TRDN: variants seen among roughly 807,000 people sequenced by gnomAD.
TRDN encodes triadin, also known as triadin in skeletal muscle.
TRDN carries 161 observed loss-of-function variants against 149.7 expected under a neutral mutation model. The ratio of observed to expected loss-of-function variants is 1.08; its 90% confidence interval spans 0.95 to 1.23. The LOEUF is 1.23. Ranked by LOEUF, TRDN falls within the 50% of genes most tolerant of loss-of-function variation. TRDN has a pLI of 0.00. For missense variants in TRDN, 896 were observed against 823.5 expected (o/e 1.09, Z -1.08); for synonymous variants, 294 against 250.5 (o/e 1.17, Z -1.64).
intron 8 of TRDN, among the ~76,000 whole-genome samples, chr6:123,499,719 A>AAAAAAAAAAAAAAAAAAAAAAAAT: frequency 6.3e-5 from 3 of 47,678 alleles, no homozygotes; most frequent in Non-Finnish European, 9.0e-5. Flanking sequence ...AAAAAAAAAA[A>AAAAAAAAAAAAAAAAAAAAAAAAT]ATATATATAT....
intron 4 of TRDN, among the ~76,000 whole-genome samples, chr6:123,533,704 C>G (rs768633691): frequency 2.0e-5 from 3 of 151,862 alleles, no homozygotes; most frequent in Non-Finnish European, 4.4e-5. Flanking sequence ...GAAATAAAGA[C>G]AAATCTCAAA....
chr6:123,340,981 G>C (rs1431006659), intron 21 of TRDN, among the ~76,000 whole-genome samples: 5 of 151,840 alleles, frequency 3.3e-5, no homozygotes, highest in African/African-American at 7.2e-5. Flanking sequence ...TCCCTTACAT[G>C]AATGTCTCTT....
intron 2 of TRDN, among the ~76,000 whole-genome samples, chr6:123,563,765 G>A (rs575137921): frequency 6.6e-6 from 1 of 152,140 alleles, no homozygotes; most frequent in African/African-American, 2.4e-5. Flanking sequence ...GTTTAATGAA[G>A]TTGAGGTTTA....
At chr6:123,630,470 TG>T (rs1465425751) in intron 1 of TRDN, among the ~76,000 whole-genome samples, 1 of 152,026 alleles carries the variant, frequency 6.6e-6, no homozygotes, top group Non-Finnish European at 1.5e-5. Flanking sequence ...CCAACAGTAT[TG>T]GAGGCCTTAA....
At chr6:123,450,065 G>T (rs1185647800) in intron 10 of TRDN, among the ~76,000 whole-genome samples, 1 of 152,148 alleles carries the variant, frequency 6.6e-6, no homozygotes, top group Non-Finnish European at 1.5e-5. Flanking sequence ...ACTGCTAAAA[G>T]GAGCTCTAAA....
At chr6:123,313,825 T>A (rs1778921672) in intron 24 of TRDN, among the ~76,000 whole-genome samples, 1 of 152,054 alleles carries the variant, frequency 6.6e-6, no homozygotes, top group South Asian at 2.1e-4. Context: ...ACCCCTTCTT[T>A]AGACCATATA....
intron 2 of TRDN, among the ~76,000 whole-genome samples, chr6:123,562,022 T>C (rs2114502477): frequency 6.6e-6 from 1 of 152,296 alleles, no homozygotes; most frequent in African/African-American, 2.4e-5. Flanking sequence ...CTGCCTTAAC[T>C]GATGACATTC....
chr6:123,218,415 G>C lies in TRDN; in HGVS notation c.*186C>G, dbSNP rs1775021078. On this transcript the variant is annotated 3_prime_UTR_variant, in exon 41 of 41. Coordinates refer to ENST00000334268, the MANE Select transcript of TRDN (RefSeq NM_006073.4). ...ACACATAACAGATTCTTGAGACTTA[G>C]ACCCTTAAACATGTCTGCTCATCAC... 3.4e-6 allele frequency: 2 copies of C among 588,102 alleles called. No homozygotes were observed. The highest frequency in any genetic ancestry group is 5.8e-6 in the Non-Finnish European group (2 of 344,640). 36.4% of individuals were successfully genotyped at this position (588,102 alleles called of 1,614,324 possible).
At chr6:123,424,463 A>G (rs1774034476) in intron 12 of TRDN, among the ~76,000 whole-genome samples, 1 of 151,986 alleles carries the variant, frequency 6.6e-6, no homozygotes, top group African/African-American at 2.4e-5. Flanking sequence ...CAACTCATGC[A>G]TCAATTAGCT....
At chr6:123,499,672 C>G (rs1413127927) in intron 8 of TRDN, among the ~76,000 whole-genome samples, 1 of 107,630 alleles carries the variant, frequency 9.3e-6, no homozygotes, top group African/African-American at 3.5e-5. Flanking sequence ...CCACTGCACT[C>G]CAGCCTGGGC....
At chr6:123,626,919 A>G (rs1785703482) in intron 1 of TRDN, among the ~76,000 whole-genome samples, 1 of 150,388 alleles carries the variant, frequency 6.6e-6, no homozygotes, top group Non-Finnish European at 1.5e-5. Context: ...TTATTATTTT[A>G]TTTTATTTTA....
At chr6:123,381,516 A>G (rs936665471) in intron 15 of TRDN, 126 bp from the exon 16 acceptor site, 50 of 829,188 alleles carry the variant, frequency 6.0e-5, no homozygotes, top group Non-Finnish European at 2.8e-5. Flanking sequence ...AAATTTCACA[A>G]TGAGGTGAAA....
Position 123,316,782 on chromosome 6 carries a change from C to T in TRDN, c.1472-287G>A, listed in dbSNP as rs1779040754. On this transcript the variant is annotated intron_variant, in intron 23 of 40. Coordinates refer to ENST00000334268, the MANE Select transcript of TRDN (RefSeq NM_006073.4). ...TTCTTGTCTTTAATAAAAGCCAGGA[C>T]TTATAATTTATGCATTCTGAAAATA... Among the ~76,000 whole-genome samples the T allele has an allele frequency of 2.0e-5, 3 of 151,750 alleles. No individual in the cohort carries two copies. The South Asian group carries it at 6.2e-4, about 32-fold the overall frequency.
At chr6:123,395,983 C>T (rs1772709368) in intron 12 of TRDN, among the ~76,000 whole-genome samples, 1 of 152,164 alleles carries the variant, frequency 6.6e-6, no homozygotes, top group African/African-American at 2.4e-5. Context: ...TGCCAGCTTG[C>T]ATCCAACCAA....
In TRDN at chr6:123,548,435, A is replaced by C; in HGVS notation, c.391+19T>G. On this transcript the variant is annotated intron_variant, in intron 3 of 40. Coordinates refer to ENST00000334268, the MANE Select transcript of TRDN (RefSeq NM_006073.4). ...AATGTTGCTCCTAGCAGTTAGATAT[A>C]TCTCTATGTTCTTTGTACCTTTATC... 6.7e-7 allele frequency: 1 copy of C among 1,496,522 alleles called. No homozygotes were observed. Among genetic ancestry groups the C allele is most frequent in the Non-Finnish European group, 8.9e-7 (1 of 1,123,440 alleles). The allele number at this position is 1,496,522 out of a possible 1,614,324, so 92.7% of individuals were successfully genotyped here.
intron 24 of TRDN, among the ~76,000 whole-genome samples, chr6:123,294,250 C>A (rs1582832564): frequency 6.6e-6 from 1 of 152,148 alleles, no homozygotes; most frequent in Non-Finnish European, 1.5e-5. Context: ...TAGATATAAC[C>A]AGGGCACTGA....
chr6:123,438,378 A>G (rs954883821), intron 11 of TRDN, among the ~76,000 whole-genome samples: 1 of 151,942 alleles, frequency 6.6e-6, no homozygotes, highest in Non-Finnish European at 1.5e-5. Flanking sequence ...AAAACATTAA[A>G]TGGCATTATT....
intron 20 of TRDN, among the ~76,000 whole-genome samples, chr6:123,364,612 C>A (rs1781020118): frequency 6.6e-6 from 1 of 152,172 alleles, no homozygotes; most frequent in South Asian, 2.1e-4. Flanking sequence ...CGTGCCACTG[C>A]ACTCCAGCCT....
chr6:123,590,138 C>T (rs1319201348), intron 1 of TRDN, among the ~76,000 whole-genome samples: 1 of 152,138 alleles, frequency 6.6e-6, no homozygotes, highest in Non-Finnish European at 1.5e-5. Context: ...AACCAGGTCA[C>T]ACAGCAGGAG....
Sources: allele counts gnomAD v4.1 joint callset (sites outside exome capture counted in the v4.1 genomes callset), GRCh38; gene constraint gnomAD v4.1.1; transcripts MANE v1.5; gene names NCBI Gene and HGNC (gene_info 2026-07-23, HGNC 2026-07-21).